BABAM2: variants seen among roughly 807,000 people sequenced by gnomAD.
BABAM2 encodes the protein BRISC and BRCA1 A complex member 2.
BABAM2 carries 31 observed loss-of-function variants against 54.7 expected under a neutral mutation model. The ratio of observed to expected loss-of-function variants is 0.57; its 90% CI spans 0.43 to 0.77. The LOEUF (loss-of-function observed/expected upper bound fraction) is 0.77. BABAM2 is among the 30% of genes least tolerant of loss of function. The pLI, the probability that BABAM2 is intolerant of heterozygous loss-of-function variation, is 0.00. For missense variants in BABAM2, 364 were observed against 455.8 expected (o/e 0.80, Z 1.83); for synonymous variants, 167 against 162.9 (o/e 1.03, Z -0.19).
At chr2:28,024,564 A>C (rs1310328742) in intron 4 of BABAM2, among the ~76,000 whole-genome samples, 1 of 152,132 alleles carries the variant, frequency 6.6e-6, no homozygotes, top group East Asian at 1.9e-4. Context: ...GAAAATCCTG[A>C]GTGTGATTGA....
intron 10 of BABAM2, among the ~76,000 whole-genome samples, chr2:28,281,126 G>C (rs768122224): frequency 6.6e-6 from 1 of 152,052 alleles, no homozygotes; most frequent in Admixed American, 6.6e-5. Flanking sequence ...ACCTGAGCTT[G>C]ATGGGCTATA....
At chr2:28,224,257 A>G (rs978587601) in intron 7 of BABAM2, among the ~76,000 whole-genome samples, 2 of 152,234 alleles carry the variant, frequency 1.3e-5, no homozygotes, top group Non-Finnish European at 2.9e-5. Flanking sequence ...CCCTGAGGAC[A>G]TAGAGTGGTG....
intron 10 of BABAM2, among the ~76,000 whole-genome samples, chr2:28,250,123 A>G (rs1683305458): frequency 6.6e-6 from 1 of 152,048 alleles, no homozygotes; most frequent in South Asian, 2.1e-4. Flanking sequence ...GGTCTTCCCT[A>G]TGCTTCTATA....
chr2:28,314,982 A>G (rs934245880), intron 11 of BABAM2, among the ~76,000 whole-genome samples: 3 of 144,440 alleles, frequency 2.1e-5, no homozygotes, highest in Non-Finnish European at 4.5e-5. Context: ...GAAAAGAAGG[A>G]AGGTGGGGAG....
chr2:28,221,914 C>T (rs1316766472), intron 7 of BABAM2, among the ~76,000 whole-genome samples: 1 of 152,110 alleles, frequency 6.6e-6, no homozygotes, highest in African/African-American at 2.4e-5. Flanking sequence ...CTTAAGGGCT[C>T]GCCTTGCTCC....
At chr2:28,160,866 A>G (rs181803213) in intron 7 of BABAM2, among the ~76,000 whole-genome samples, 76 of 152,240 alleles carry the variant, frequency 5.0e-4, no homozygotes, top group African/African-American at 1.8e-3. Context: ...GAAAGTACAG[A>G]AATTTGTAAT....
chr2:27,932,421 T>C (rs1178783852), intron 3 of BABAM2, among the ~76,000 whole-genome samples: 1 of 152,184 alleles, frequency 6.6e-6, no homozygotes, highest in Non-Finnish European at 1.5e-5. Context: ...TATTTTTGTT[T>C]ATCATATTTT....
chr2:28,265,645 C>T (rs1244910141), intron 10 of BABAM2, among the ~76,000 whole-genome samples: 2 of 152,006 alleles, frequency 1.3e-5, no homozygotes, highest in African/African-American at 2.4e-5. Flanking sequence ...CATATGTGCA[C>T]ACACACACAC....
At chr2:27,957,191 G>C (rs1238661014) in intron 3 of BABAM2, among the ~76,000 whole-genome samples, 2 of 152,018 alleles carry the variant, frequency 1.3e-5, no homozygotes, top group Admixed American at 1.3e-4. Flanking sequence ...ACTACACTTG[G>C]GTAAAACAAG....
rs192767684 is a variant in BABAM2, at chr2:28,036,718, A to G, written c.496-9007A>G. 3.0e-4 allele frequency among the ~76,000 whole-genome samples: 45 copies of G among 152,356 alleles called. 1 individual carries two copies. The highest frequency in any genetic ancestry group is 2.5e-3 in the Admixed American group (39 of 15,308). On this transcript the variant is annotated intron_variant, in intron 5 of 11. Transcript: ENST00000379624. The stretch of plus-strand genomic sequence containing the variant: ...TGCTATGTTTTTATCCTTAGGTTTC[A>G]TGAGATCCCTCATATCCTTTCAATA...
intron 3 of BABAM2, among the ~76,000 whole-genome samples, chr2:27,970,523 G>A (rs955609599): frequency 3.3e-5 from 5 of 152,108 alleles, no homozygotes; most frequent in African/African-American, 1.2e-4. Context: ...TCATTTTAAA[G>A]TAAGTTGCAA....
At chr2:28,275,523 C>G in intron 10 of BABAM2, among the ~76,000 whole-genome samples, 1 of 152,160 alleles carries the variant, frequency 6.6e-6, no homozygotes. Context: ...GACCAGCAGG[C>G]AGGCCTCGGG....
intron 4 of BABAM2, among the ~76,000 whole-genome samples, chr2:28,019,401 T>G (rs1675089435): frequency 6.6e-6 from 1 of 152,156 alleles, no homozygotes. Flanking sequence ...TAGTTGTTTG[T>G]CAGATGTATA....
intron 6 of BABAM2, among the ~76,000 whole-genome samples, chr2:28,122,555 T>G (rs773523659): frequency 1.3e-5 from 2 of 152,202 alleles, no homozygotes; most frequent in Non-Finnish European, 2.9e-5. Flanking sequence ...ATACAATGGC[T>G]TTTTTACCGT....
intron 10 of BABAM2, among the ~76,000 whole-genome samples, chr2:28,248,207 C>CTTTTTATTTTTTTT (rs1553349503): frequency 1.8e-5 from 1 of 54,306 alleles, no homozygotes; most frequent in Admixed American, 3.1e-4. Flanking sequence ...TTTTCTTTTT[C>CTTTTTATTTTTTTT]TTTTTTTTTT....
chr2:28,215,172 A>G (rs1319477565), intron 7 of BABAM2, among the ~76,000 whole-genome samples: 1 of 152,118 alleles, frequency 6.6e-6, no homozygotes, highest in Non-Finnish European at 1.5e-5. Context: ...TTCTCCTTTC[A>G]TAGTAATATT....
At chr2:28,064,495 C>T (rs968039582) in intron 6 of BABAM2, among the ~76,000 whole-genome samples, 2 of 152,128 alleles carry the variant, frequency 1.3e-5, no homozygotes, top group African/African-American at 2.4e-5. Context: ...TTCTAGTTAT[C>T]GTAAATGATA....
chr2:28,068,285 A>G (rs886615844), intron 6 of BABAM2, among the ~76,000 whole-genome samples: 17 of 152,200 alleles, frequency 1.1e-4, no homozygotes, highest in Admixed American at 3.3e-4. Context: ...TACAACCTAC[A>G]TATGTAGCGA....
chr2:27,975,181 A>G (rs1463446013), intron 3 of BABAM2, among the ~76,000 whole-genome samples: 1 of 152,182 alleles, frequency 6.6e-6, no homozygotes, highest in East Asian at 1.9e-4. Context: ...TTTTCCCTAA[A>G]TTAATGTACA....
Sources: allele counts gnomAD v4.1 joint callset (sites outside exome capture counted in the v4.1 genomes callset), GRCh38; gene constraint gnomAD v4.1.1; transcripts MANE v1.5; gene names NCBI Gene and HGNC (gene_info 2026-07-23, HGNC 2026-07-21).